THOC5: variants seen among roughly 807,000 people sequenced by gnomAD.
THOC5 encodes the protein THO complex subunit 5.
THOC5 carries 43 observed loss-of-function variants against 92.9 expected under a neutral mutation model. That is an observed-to-expected ratio of 0.46 (90% CI 0.36 to 0.60). THOC5 has a LOEUF of 0.60. THOC5 is among the 20% of genes least tolerant of loss of function. THOC5 has a pLI of 0.00. For synonymous variants in THOC5, 296 were observed against 320.1 expected (o/e 0.92, Z 0.80); for missense variants, 659 against 849.4 (o/e 0.78, Z 2.79).
At chr22:29,508,959 G>C (rs988045296) in intron 19 of THOC5, among the ~76,000 whole-genome samples, 3 of 151,930 alleles carry the variant, frequency 2.0e-5, no homozygotes, top group African/African-American at 7.3e-5. Flanking sequence ...CCACGCCCGG[G>C]TTTAGGTTGA....
Position 29,539,394 on chromosome 22 carries a change from T to A in THOC5, c.535A>T (p.Thr179Ser). ...APPDISKAEV[T>S]MGDPHQQTLA... ...GTTTGCTGGTGAGGGTCTCCCATGG[T>A]GACTTCGGCCTTGCTGATATCTGGT... is the stretch of plus-strand genomic sequence containing the variant. Residue 179 changes from threonine (T) to serine (S), a missense_variant, in exon 6 of 20, where the codon ACC (threonine) becomes TCC (serine). By Grantham distance (58) the Thr-to-Ser change is moderately conservative (BLOSUM62 1). Transcript: ENST00000490103. 1.2e-6 allele frequency: 2 copies of A among 1,614,106 alleles called. No individual in the cohort carries two copies. The highest frequency in any genetic ancestry group is 1.7e-6 in the Non-Finnish European group (2 of 1,179,958).
intron 17 of THOC5, among the ~76,000 whole-genome samples, chr22:29,515,924 T>C (rs544272196): frequency 6.6e-6 from 1 of 152,078 alleles, no homozygotes; most frequent in Non-Finnish European, 1.5e-5. Context: ...GGCCAGGAGT[T>C]TGAGACCAGG....
rs117749351 is a variant in THOC5 at position 29,548,282 on chromosome 22, G to A, written c.96+770C>T. ...ATAGAGAGGAATTCCAGCTGGGTGC[G>A]GGGTGGCTCACACCTATAATCCCAA... On this transcript the variant is annotated intron_variant, in intron 2 of 19. Coordinates refer to ENST00000490103, the MANE Select transcript of THOC5 (RefSeq NM_003678.5). 4.1e-3 allele frequency among the ~76,000 whole-genome samples: 619 copies of A among 152,192 alleles called. 18 individuals carry two copies. The highest frequency in any genetic ancestry group is 0.033 in the Admixed American group (500 of 15,280).
Position 29,539,383 on chromosome 22 carries a change from G to T in THOC5, c.546C>A (p.Asp182Glu). 1 of 1,614,010 alleles carries T rather than the reference G, an allele frequency of 6.2e-7. No homozygotes were observed. The highest frequency in any genetic ancestry group is 8.5e-7 in the Non-Finnish European group (1 of 1,179,940). The change falls in exon 6 of 20, where the codon GAC becomes GAA. Residue 182 changes from aspartate to glutamate, a missense_variant. Physicochemically the swap from Asp to Glu is conservative, Grantham distance 45. Transcript: ENST00000490103. ...DISKAEVTMG[D>E]PHQQTLARLD... ...GACGTGCCAGTGTTTGCTGGTGAGG[G>T]TCTCCCATGGTGACTTCGGCCTTGC...
At position 29,517,080 on chromosome 22, in the gene THOC5, G is replaced by A; in HGVS notation, c.1630C>T (p.Leu544=). Residue 544 remains leucine (L), a synonymous_variant, in exon 17 of 20, where the codon CTG becomes TTG. Coordinates refer to ENST00000490103, the MANE Select transcript of THOC5 (RefSeq NM_003678.5). ...TAGTAGAGATTGGTGTCCCCAGCCAGTCCCGCATCCACAATGTCTTTGGTG... is the reference window on the plus strand; with the variant it reads ...TAGTAGAGATTGGTGTCCCCAGCCAATCCCGCATCCACAATGTCTTTGGTG... ...HFTKDIVDAG[L]AGDTNLYYMA... The A allele has an allele frequency of 6.2e-7, 1 of 1,614,168 alleles. No homozygotes were observed. The highest frequency in any genetic ancestry group is 8.5e-7 in the Non-Finnish European group (1 of 1,180,036).
intron 11 of THOC5, among the ~76,000 whole-genome samples, chr22:29,526,158 G>T (rs200425244): frequency 2.6e-5 from 4 of 152,148 alleles, no homozygotes; most frequent in African/African-American, 2.4e-5. Context: ...CCCCAGAATC[G>T]AAAATAAAAG....
At chr22:29,516,574 G>T (rs2063336686) in intron 17 of THOC5, among the ~76,000 whole-genome samples, 1 of 152,224 alleles carries the variant, frequency 6.6e-6, no homozygotes, top group South Asian at 2.1e-4. Flanking sequence ...GAGGTATGAA[G>T]AATCAGAGCT....
In THOC5 at chr22:29,543,522, C is replaced by G. The variant is rs1282723808; in HGVS notation, c.261G>C (p.Arg87=). The G allele has an allele frequency of 6.2e-7, 1 of 1,613,774 alleles. No individual in the cohort carries two copies. Among genetic ancestry groups the G allele is most frequent in the East Asian group, 2.2e-5 (1 of 44,874 alleles). ...TGAAATGCACACAGCTCTGGATCCT[C>G]CGTTCTTCTATTTCTATTGCCTGTG... ...GKDVAIEIEE[R]RIQSCVHFMT... is the part of the protein sequence containing the mutation. Residue 87 remains arginine (R), a synonymous_variant, in exon 4 of 20, where the codon CGG becomes CGC. Coordinates refer to ENST00000490103, the MANE Select transcript of THOC5 (RefSeq NM_003678.5).
intron 19 of THOC5, 130 bp downstream of exon 19, chr22:29,510,976 C>T: frequency 1.0e-6 from 1 of 954,924 alleles, no homozygotes; most frequent in Admixed American, 2.3e-5. Flanking sequence ...AACAGGTGGA[C>T]CAGAGTGATA....
Position 29,539,393 on chromosome 22 carries a change from G to A in THOC5, c.536C>T (p.Thr179Ile). The change falls in exon 6 of 20, where the codon ACC (threonine) becomes ATC (isoleucine). Residue 179 changes from threonine (T) to isoleucine (I), a missense_variant. By Grantham distance (89) the Thr-to-Ile change is moderately conservative. Coordinates refer to ENST00000490103, the MANE Select transcript of THOC5 (RefSeq NM_003678.5). ...TGTTTGCTGGTGAGGGTCTCCCATG[G>A]TGACTTCGGCCTTGCTGATATCTGG... ...APPDISKAEVTMGDPHQQTLA... is the reference protein window; with the variant it reads ...APPDISKAEVIMGDPHQQTLA... 1 of 1,614,044 alleles carries A rather than the reference G, an allele frequency of 6.2e-7. No homozygotes were observed.
chr22:29,532,961 G>C (rs1345267889), intron 7 of THOC5, among the ~76,000 whole-genome samples: 1 of 152,184 alleles, frequency 6.6e-6, no homozygotes, highest in Non-Finnish European at 1.5e-5. Context: ...CTGGGCAAGA[G>C]AGCAAGACCC....
intron 12 of THOC5, among the ~76,000 whole-genome samples, chr22:29,523,345 G>A (rs1047834473): frequency 4.6e-5 from 7 of 152,076 alleles, no homozygotes; most frequent in African/African-American, 1.4e-4. Flanking sequence ...GGCAACAGTT[G>A]TCAAGACAGT....
At position 29,538,800 on chromosome 22, in the gene THOC5, G is replaced by GAAAAAAAA. The variant is rs1491105374; in HGVS notation, c.599+529_599+530insTTTTTTTT. 2.7e-4 allele frequency among the ~76,000 whole-genome samples: 9 copies of GAAAAAAAA among 32,998 alleles called. 4 individuals carry two copies. Among genetic ancestry groups the GAAAAAAAA allele is most frequent in the Admixed American group, 9.8e-4 (2 of 2,042 alleles). 21.6% of individuals were successfully genotyped at this position (32,998 alleles called of 152,430 possible). ...CAATAGAGTGAAACGCCATCTCTTT[G>GAAAAAAAA]GAAAAAAAAAAAAAAAAAAAAAAAA... On this transcript the variant is annotated intron_variant, in intron 6 of 19. Transcript: ENST00000490103.
chr22:29,530,151 A>G (rs1022657948), intron 8 of THOC5, among the ~76,000 whole-genome samples: 27 of 151,690 alleles, frequency 1.8e-4, no homozygotes, highest in Admixed American at 8.6e-4. Flanking sequence ...TCAAAAAAAA[A>G]AGAAAAAAGA....
intron 7 of THOC5, among the ~76,000 whole-genome samples, chr22:29,532,412 T>G: frequency 6.6e-6 from 1 of 151,286 alleles, no homozygotes; most frequent in Admixed American, 6.6e-5. Flanking sequence ...GCCTGTAATC[T>G]CAGCACTTTG....
At chr22:29,538,922 C>T (rs968273949) in intron 6 of THOC5, among the ~76,000 whole-genome samples, 1 of 151,014 alleles carries the variant, frequency 6.6e-6, no homozygotes, top group Non-Finnish European at 1.5e-5. Context: ...ATCAGCCTAG[C>T]CAACATGGTG....
Position 29,524,112 on chromosome 22 carries a change from G to A in THOC5, c.1175+1726C>T, listed in dbSNP as rs138016366. ...AAGACCTAATCCCAGTTTCACAGTG[G>A]CATCTCCTTTTATGTCTCCTCCCTG... On this transcript the variant is annotated intron_variant, in intron 12 of 19. Transcript: ENST00000490103. Among the ~76,000 whole-genome samples the A allele has an allele frequency of 2.0e-5, 3 of 152,324 alleles. No individual in the cohort carries two copies. The East Asian group carries it at 5.8e-4, about 29-fold the overall frequency.
intron 7 of THOC5, chr22:29,535,428 C>T (rs1463585620): frequency 2.0e-5 from 3 of 152,044 alleles, no homozygotes; most frequent in South Asian, 4.2e-4. Flanking sequence ...TAGACTTTTC[C>T]AAGCATATAC....
chr22:29,527,871 G>C (rs1330487675), intron 11 of THOC5, among the ~76,000 whole-genome samples: 1 of 152,190 alleles, frequency 6.6e-6, no homozygotes, highest in Non-Finnish European at 1.5e-5. Flanking sequence ...TGCCTTATGT[G>C]ACTGGAGTTT....
Sources: gnomAD v4.1 joint callset for allele counts (sites outside exome capture counted in the v4.1 genomes callset) on GRCh38, gnomAD v4.1.1 for gene constraint, MANE v1.5 for transcripts, NCBI Gene and HGNC (gene_info 2026-07-23, HGNC 2026-07-21) for gene names.